Variants in ENTREP1 observed in about 807,000 individuals in gnomAD.
The protein encoded by ENTREP1 is endosomal transmembrane epsin interactor 1.
At chr9:69,387,933 A>G in the ENTREP1 span, 1 of 1,498,274 alleles carries the variant, frequency 6.7e-7, no homozygotes, top group Non-Finnish European at 9.0e-7. Flanking sequence ...GGTGTCGTAC[A>G]TGACACAATG....
At chr9:69,387,965 A>G in the ENTREP1 span, 5,099 of 1,534,280 alleles carry the variant, frequency 3.3e-3, 13 homozygotes, top group Non-Finnish European at 4.0e-3. Flanking sequence ...GCCATATCCT[A>G]TTGGAACTGG....
chr9:69,343,415 T>C, the ENTREP1 span, among the ~76,000 whole-genome samples: 1 of 152,156 alleles, frequency 6.6e-6, no homozygotes, highest in Non-Finnish European at 1.5e-5. Flanking sequence ...GGAGAGAATA[T>C]TTACAGGGTT....
the ENTREP1 span, chr9:69,325,003 A>C: frequency 8.1e-6 from 8 of 984,856 alleles, no homozygotes; most frequent in Non-Finnish European, 8.4e-6. Flanking sequence ...TTCGGCGGGG[A>C]CCCTGAGGCT....
At chr9:69,329,833 C>T in the ENTREP1 span, 12 of 64,690 alleles carry the variant, frequency 1.9e-4, no homozygotes, top group Non-Finnish European at 1.9e-4. Flanking sequence ...GGGGTATGGG[C>T]GTTAATGTTA....
At chr9:69,328,123 A>G in the ENTREP1 span, among the ~76,000 whole-genome samples, 2 of 152,140 alleles carry the variant, frequency 1.3e-5, no homozygotes, top group African/African-American at 4.8e-5. Flanking sequence ...AGCTTCAACA[A>G]TGGTTTCATC....
chr9:69,375,630 C>G, the ENTREP1 span: 1 of 912,688 alleles, frequency 1.1e-6, no homozygotes, highest in Non-Finnish European at 1.7e-6. Flanking sequence ...TTGCCTGACA[C>G]AGAACCCTGC....
the ENTREP1 span, among the ~76,000 whole-genome samples, chr9:69,389,013 A>C: frequency 8.5e-5 from 13 of 152,240 alleles, no homozygotes; most frequent in Admixed American, 8.5e-4. Flanking sequence ...AGAATTGGGC[A>C]TGAACATAAT....
chr9:69,369,073 A>T, the ENTREP1 span, among the ~76,000 whole-genome samples: 1 of 152,102 alleles, frequency 6.6e-6, no homozygotes, highest in African/African-American at 2.4e-5. Flanking sequence ...GAGTGAGAAC[A>T]TGCGGTGTTT....
chr9:69,367,688 TATACACATATATATAA>T, the ENTREP1 span, among the ~76,000 whole-genome samples: 9 of 131,232 alleles, frequency 6.9e-5, no homozygotes, highest in Admixed American at 5.2e-4. Context: ...TAAATATATA[TATACACATATATATAA>T]ATATATATAT....
the ENTREP1 span, chr9:69,324,962 C>T: frequency 5.1e-6 from 5 of 985,174 alleles, no homozygotes; most frequent in Non-Finnish European, 6.0e-6. Context: ...GGGCAGGGCA[C>T]CCTCCCAGGA....
At chr9:69,325,717 C>T in the ENTREP1 span, 2 of 1,228,604 alleles carry the variant, frequency 1.6e-6, no homozygotes, top group Admixed American at 8.5e-5. Context: ...TCTGGGCCGG[C>T]TCCTCGGTGA....
chr9:69,363,726 T>C, the ENTREP1 span, among the ~76,000 whole-genome samples: 1 of 152,168 alleles, frequency 6.6e-6, no homozygotes, highest in Non-Finnish European at 1.5e-5. Context: ...TCCCTCCCTG[T>C]GGTCTTCTTT....
At chr9:69,373,489 G>T in the ENTREP1 span, among the ~76,000 whole-genome samples, 4 of 151,926 alleles carry the variant, frequency 2.6e-5, no homozygotes, top group African/African-American at 9.7e-5. Context: ...TTTAAATGAG[G>T]TATATTGTAT....
At chr9:69,378,992 G>T in the ENTREP1 span, among the ~76,000 whole-genome samples, 1 of 151,624 alleles carries the variant, frequency 6.6e-6, no homozygotes, top group Non-Finnish European at 1.5e-5. Flanking sequence ...AGTCAGAGAT[G>T]GCTTCCTGGA....
chr9:69,362,900 C>T, the ENTREP1 span, among the ~76,000 whole-genome samples: 405 of 152,278 alleles, frequency 2.7e-3, no homozygotes, highest in African/African-American at 9.3e-3. Flanking sequence ...GGGCTCAGAC[C>T]GGCTTCCTTG....
At chr9:69,358,404 C>T in the ENTREP1 span, among the ~76,000 whole-genome samples, 1 of 152,182 alleles carries the variant, frequency 6.6e-6, no homozygotes, top group Non-Finnish European at 1.5e-5. Flanking sequence ...TTCATTTGTT[C>T]ATTGACTGGT....
chr9:69,369,485 C>T, the ENTREP1 span, among the ~76,000 whole-genome samples: 1 of 152,286 alleles, frequency 6.6e-6, no homozygotes, highest in Admixed American at 6.5e-5. Flanking sequence ...TACATCCTCT[C>T]CAGCATTTGT....
chr9:69,383,634 G>T, the ENTREP1 span: 1 of 1,613,988 alleles, frequency 6.2e-7, no homozygotes, highest in African/African-American at 1.3e-5. Context: ...TCCTAGGATG[G>T]TTGGTCCTGA....
chr9:69,340,763 A>C, the ENTREP1 span, among the ~76,000 whole-genome samples: 1 of 29,260 alleles, frequency 3.4e-5, no homozygotes, highest in Non-Finnish European at 1.0e-4. Flanking sequence ...GTGTGCGTGC[A>C]TGTGTGTGTG....
Sources: gnomAD v4.1 joint callset for allele counts (sites outside exome capture counted in the v4.1 genomes callset) on GRCh38, gnomAD v4.1.1 for gene constraint, MANE v1.5 for transcripts, NCBI Gene and HGNC (gene_info 2026-07-23, HGNC 2026-07-21) for gene names.